PAK5: variants seen among roughly 807,000 people sequenced by gnomAD.
The protein encoded by PAK5 is p21 (RAC1) activated kinase 5, also known as serine/threonine-protein kinase PAK 5.
Under a neutral mutation model 65.9 loss-of-function variants are expected in PAK5, and 16 were observed. The observed-to-expected ratio is 0.24, with a 90% CI of 0.16 to 0.37. The LOEUF (loss-of-function observed/expected upper bound fraction) is 0.37, where lower values mean the gene tolerates loss of function less well. Ranked by LOEUF, PAK5 falls within the 10% of genes least tolerant of loss-of-function variation. The pLI is 1.00. For synonymous variants in PAK5, 371 were observed against 354.9 expected, an observed-to-expected ratio of 1.05 and a Z score of -0.51; for missense variants, 785 against 903.9, an observed-to-expected ratio of 0.87 and a Z score of 1.69.
Position 9,738,471 on chromosome 20 carries a change from T to C in PAK5, c.-161-27036A>G, listed in dbSNP as rs1330723170. ...CTTGTGCTATATTCATACTATAGAG[T>C]ACTGTTTAACAATAAATAGAATAAA... On this transcript the variant is annotated intron_variant, in intron 1 of 9. Transcript: ENST00000353224. Among the ~76,000 whole-genome samples the C allele has an allele frequency of 1.1e-3, 162 of 152,072 alleles. 3 individuals carry two copies. The highest frequency in any genetic ancestry group is 0.011 in the Admixed American group (162 of 15,258).
chr20:9,833,957 T>C (rs1978946276), intron 1 of PAK5, among the ~76,000 whole-genome samples: 1 of 152,208 alleles, frequency 6.6e-6, no homozygotes, highest in Non-Finnish European at 1.5e-5. Flanking sequence ...CCATTCTACT[T>C]TTTAGTTAGT....
intron 2 of PAK5, among the ~76,000 whole-genome samples, chr20:9,677,666 G>C (rs1042592426): frequency 1.3e-5 from 2 of 152,164 alleles, no homozygotes; most frequent in African/African-American, 2.4e-5. Context: ...AGTTTGACCA[G>C]AAAACTGTTA....
rs770085732 is a variant in PAK5 at position 9,542,712 on chromosome 20, G to A, written c.1878C>T (p.Ile626=). 1.9e-6 allele frequency: 3 copies of A among 1,613,890 alleles called. No individual in the cohort carries two copies. The highest frequency in any genetic ancestry group is 4.5e-5 in the East Asian group (2 of 44,890). ...SRLPYGTEVD[I]WSLGIMVIEM... Reference sequence around the variant, plus strand: ...CTATCACCATGATCCCGAGGGACCAGATGTCCACCTGTTAGGCACACCCTA... The same window carrying A: ...CTATCACCATGATCCCGAGGGACCAAATGTCCACCTGTTAGGCACACCCTA... Residue 626 remains isoleucine (I), a synonymous_variant, in exon 9 of 10, where the codon ATC becomes ATT. Coordinates refer to ENST00000353224, the MANE Select transcript of PAK5 (RefSeq NM_177990.4).
intron 1 of PAK5, among the ~76,000 whole-genome samples, chr20:9,734,031 G>C (rs2048362175): frequency 6.6e-6 from 1 of 152,220 alleles, no homozygotes; most frequent in Non-Finnish European, 1.5e-5. Context: ...ATGTGAAGTA[G>C]AAATCCTTCC....
intron 1 of PAK5, among the ~76,000 whole-genome samples, chr20:9,828,612 T>C (rs1014848895): frequency 1.3e-5 from 2 of 152,194 alleles, no homozygotes; most frequent in African/African-American, 4.8e-5. Flanking sequence ...GCAACACAGC[T>C]GACAGCTAAA....
intron 1 of PAK5, among the ~76,000 whole-genome samples, chr20:9,719,157 T>C (rs1426632846): frequency 6.6e-6 from 1 of 152,184 alleles, no homozygotes; most frequent in Non-Finnish European, 1.5e-5. Context: ...TAAGTAACTT[T>C]TGGTGCATAG....
intron 4 of PAK5, among the ~76,000 whole-genome samples, chr20:9,569,942 G>T (rs2045748639): frequency 6.7e-6 from 1 of 149,150 alleles, no homozygotes; most frequent in African/African-American, 2.6e-5. Context: ...CTGCCCTCCT[G>T]CCCTGGTTGC....
intron 5 of PAK5, among the ~76,000 whole-genome samples, chr20:9,565,153 T>A (rs1316435940): frequency 6.6e-6 from 1 of 151,938 alleles, no homozygotes; most frequent in Non-Finnish European, 1.5e-5. Flanking sequence ...ATGATATTAA[T>A]TTTATTAGTA....
chr20:9,723,248 G>A (rs2048238539), intron 1 of PAK5, among the ~76,000 whole-genome samples: 1 of 152,170 alleles, frequency 6.6e-6, no homozygotes, highest in Non-Finnish European at 1.5e-5. Flanking sequence ...TTGCACAAGG[G>A]TAGGAGCAGT....
intron 1 of PAK5, among the ~76,000 whole-genome samples, chr20:9,806,830 A>T (rs1478298578): frequency 6.6e-6 from 1 of 152,196 alleles, no homozygotes; most frequent in Admixed American, 6.5e-5. Context: ...TTAAGACAAC[A>T]TAAATTTATT....
intron 4 of PAK5, among the ~76,000 whole-genome samples, chr20:9,571,229 G>T (rs2045774866): frequency 6.6e-6 from 1 of 152,180 alleles, no homozygotes; most frequent in Non-Finnish European, 1.5e-5. Flanking sequence ...GAAATGCATG[G>T]GTGACCCCAT....
At chr20:9,663,818 AT>A (rs2047377832) in intron 2 of PAK5, among the ~76,000 whole-genome samples, 1 of 152,156 alleles carries the variant, frequency 6.6e-6, no homozygotes, top group Non-Finnish European at 1.5e-5. Flanking sequence ...GCTTAAAGGT[AT>A]TGCTTTATAT....
chr20:9,606,194 C>T (rs1161874703), intron 3 of PAK5, among the ~76,000 whole-genome samples: 1 of 152,128 alleles, frequency 6.6e-6, no homozygotes, highest in African/African-American at 2.4e-5. Flanking sequence ...TGAGTTCTCA[C>T]AAGATCTCAG....
Position 9,765,593 on chromosome 20 carries a change from T to C in PAK5, c.-161-54158A>G, listed in dbSNP as rs1326442034. 2.6e-5 allele frequency among the ~76,000 whole-genome samples: 4 copies of C among 152,158 alleles called. No individual in the cohort carries two copies. The East Asian group carries it at 5.8e-4, about 22-fold the overall frequency. ...AACACTGGTAGCTTAAAACTGGCCATGATGGGAGTATTCACACCAAGAAAC... is the reference window on the plus strand; with the variant it reads ...AACACTGGTAGCTTAAAACTGGCCACGATGGGAGTATTCACACCAAGAAAC... On this transcript the variant is annotated intron_variant, in intron 1 of 9. Coordinates refer to ENST00000353224, the MANE Select transcript of PAK5 (RefSeq NM_177990.4).
At chr20:9,555,250 TC>T (rs1296276197) in intron 7 of PAK5, among the ~76,000 whole-genome samples, 2 of 152,150 alleles carry the variant, frequency 1.3e-5, no homozygotes, top group African/African-American at 2.4e-5. Context: ...CTACAATGTG[TC>T]TATTTATGTG....
At chr20:9,718,737 T>A (rs976642791) in intron 1 of PAK5, among the ~76,000 whole-genome samples, 3 of 152,198 alleles carry the variant, frequency 2.0e-5, no homozygotes, top group Admixed American at 6.5e-5. Context: ...CCAAAAAAAA[T>A]TAATATGGAT....
At chr20:9,680,517 G>T (rs1334468547) in intron 2 of PAK5, among the ~76,000 whole-genome samples, 1 of 152,150 alleles carries the variant, frequency 6.6e-6, no homozygotes, top group East Asian at 1.9e-4. Context: ...CCCCAGGGTG[G>T]TCCCATCTGA....
intron 1 of PAK5, among the ~76,000 whole-genome samples, chr20:9,825,436 C>T (rs180717250): frequency 1.3e-5 from 2 of 152,292 alleles, no homozygotes; most frequent in East Asian, 3.9e-4. Flanking sequence ...GGTTCTACTT[C>T]ACTGCTGTGA....
chr20:9,696,241 AG>A (rs371227280), intron 2 of PAK5, among the ~76,000 whole-genome samples: 1 of 152,224 alleles, frequency 6.6e-6, no homozygotes, highest in African/African-American at 2.4e-5. Flanking sequence ...GTGGTTCTCA[AG>A]GTGCAACCTC....
Sources: allele counts gnomAD v4.1 joint callset (sites outside exome capture counted in the v4.1 genomes callset), GRCh38; gene constraint gnomAD v4.1.1; transcripts MANE v1.5; gene names NCBI Gene and HGNC (gene_info 2026-07-23, HGNC 2026-07-21).